The following PTPRE variants were observed in gnomAD, a reference collection of about 807,000 sequenced individuals.
PTPRE encodes receptor-type tyrosine-protein phosphatase epsilon.
In PTPRE, 51 loss-of-function variants were observed where a neutral mutation model predicts 102.0. That is an observed-to-expected ratio of 0.50 (90% CI 0.40 to 0.63). The LOEUF (loss-of-function observed/expected upper bound fraction) is 0.63. Ranked by LOEUF, PTPRE falls within the 30% of genes least tolerant of loss-of-function variation. PTPRE has a pLI of 0.00. For missense variants in PTPRE, 752 were observed against 915.1 expected (o/e 0.82, Z 2.30); for synonymous variants, 345 against 348.2 (o/e 0.99, Z 0.10).
At chr10:128,075,836 A>G (rs1435836454) in intron 17 of PTPRE, among the ~76,000 whole-genome samples, 1 of 152,180 alleles carries the variant, frequency 6.6e-6, no homozygotes, top group Non-Finnish European at 1.5e-5. Flanking sequence ...TGTGGATGAC[A>G]TATTTCCTCT....
intron 1 of PTPRE, among the ~76,000 whole-genome samples, chr10:127,976,641 A>T (rs887926181): frequency 4.6e-5 from 7 of 152,334 alleles, no homozygotes; most frequent in African/African-American, 1.7e-4. Context: ...ACATTGTTTT[A>T]AAGATTTCAT....
rs943540460 is a variant in PTPRE, at chr10:128,008,199, A to G, written c.-8+25903A>G. 3.3e-5 allele frequency among the ~76,000 whole-genome samples: 5 copies of G among 152,110 alleles called. No individual in the cohort carries two copies. The highest frequency in any genetic ancestry group is 2.6e-4 in the Admixed American group (4 of 15,274). Reference sequence around the variant, plus strand: ...CAGTGCATCCACCATCTCTGTCTGCAGCCCCGCTGGCTCGTCCGCCCTCGC... The same window carrying G: ...CAGTGCATCCACCATCTCTGTCTGCGGCCCCGCTGGCTCGTCCGCCCTCGC... On this transcript the variant is annotated intron_variant, in intron 2 of 20. Coordinates refer to ENST00000254667, the MANE Select transcript of PTPRE (RefSeq NM_006504.6). This position sits in a 1 kb window ranked among gnomAD's most constrained non-coding sequence, Gnocchi z 4.0.
chr10:128,052,923 G>A (rs1248794448), intron 6 of PTPRE, among the ~76,000 whole-genome samples: 6 of 152,168 alleles, frequency 3.9e-5, no homozygotes, highest in African/African-American at 1.4e-4. Context: ...CGAGCGGAGA[G>A]AGAAAGGAAC....
chr10:127,950,813 A>G (rs911143030), intron 1 of PTPRE, among the ~76,000 whole-genome samples: 3 of 152,074 alleles, frequency 2.0e-5, no homozygotes, highest in Admixed American at 6.5e-5. Context: ...AAAGTGAAAT[A>G]GGGTCGGGCA....
intron 2 of PTPRE, among the ~76,000 whole-genome samples, chr10:128,022,609 G>T (rs1373583229): frequency 1.3e-5 from 2 of 152,198 alleles, no homozygotes; most frequent in Non-Finnish European, 2.9e-5. Flanking sequence ...ACCTCCAGAG[G>T]CCCCTCCAGA....
rs369914760 is a variant in PTPRE, at chr10:128,032,161, G to A, written c.-7-8714G>A. Among the ~76,000 whole-genome samples the A allele has an allele frequency of 5.3e-5, 8 of 152,030 alleles. 1 individual carries two copies. In the South Asian group the frequency reaches 6.2e-4, roughly 12 times the overall value. On this transcript the variant is annotated intron_variant, in intron 2 of 20. Coordinates refer to ENST00000254667, the MANE Select transcript of PTPRE (RefSeq NM_006504.6). ...CTCCTGAGTAGCTGGGATTACAGGC[G>A]CCTGCCACCACGTCTGGCTAATTTT...
chr10:128,069,704 C>T lies in PTPRE; in HGVS notation c.1020C>T (p.Gly340=), dbSNP rs1469381895. The T allele has an allele frequency of 6.2e-7, 1 of 1,614,166 alleles. No homozygotes were observed. Among genetic ancestry groups the T allele is most frequent in the South Asian group, 1.1e-5 (1 of 91,086 alleles). ...TCTTTCCCCAAAGCGCGGGCGTGGGCCGGACGGGCACCTTCATTGTGATCG... is the reference window on the plus strand; with the variant it reads ...TCTTTCCCCAAAGCGCGGGCGTGGGTCGGACGGGCACCTTCATTGTGATCG... ...PIVVHCSAGV[G]RTGTFIVIDA... Residue 340 remains glycine (G), a synonymous_variant, in exon 13 of 21, where the codon GGC becomes GGT. Coordinates refer to ENST00000254667, the MANE Select transcript of PTPRE (RefSeq NM_006504.6).
intron 2 of PTPRE, among the ~76,000 whole-genome samples, chr10:128,023,510 G>T (rs1846076203): frequency 6.6e-6 from 1 of 152,164 alleles, no homozygotes; most frequent in South Asian, 2.1e-4. Context: ...ACAGCATATT[G>T]TTAGAATTGT....
intron 1 of PTPRE, among the ~76,000 whole-genome samples, chr10:127,957,800 T>C (rs1849511925): frequency 6.6e-6 from 1 of 152,236 alleles, no homozygotes; most frequent in Admixed American, 6.5e-5. Context: ...AGAACTGACA[T>C]CCTGACAGTT....
Position 128,057,441 on chromosome 10 carries a change from G to A in PTPRE, c.511+1228G>A, listed in dbSNP as rs527642510. On this transcript the variant is annotated intron_variant, in intron 7 of 20. Coordinates refer to ENST00000254667, the MANE Select transcript of PTPRE (RefSeq NM_006504.6). ...CAGGGCCTTGGTGGGATGGAGGAAGGCAGCCCATGTGGGCCCCGGAATGCT... is the reference window on the plus strand; with the variant it reads ...CAGGGCCTTGGTGGGATGGAGGAAGACAGCCCATGTGGGCCCCGGAATGCT... Among the ~76,000 whole-genome samples the A allele has an allele frequency of 1.1e-4, 16 of 152,262 alleles. No individual in the cohort carries two copies. The South Asian group carries it at 1.2e-3, about 12-fold the overall frequency.
intron 1 of PTPRE, among the ~76,000 whole-genome samples, chr10:127,962,560 G>T: frequency 6.6e-6 from 1 of 152,170 alleles, no homozygotes; most frequent in East Asian, 1.9e-4. Flanking sequence ...GCTCTGCAGG[G>T]CGGGGTCAGG....
chr10:128,069,994 G>C, intron 13 of PTPRE, 167 bp downstream of exon 13: 1 of 976,360 alleles, frequency 1.0e-6, no homozygotes, highest in Non-Finnish European at 1.5e-6. Flanking sequence ...GGGACCTCAG[G>C]GACTCCCTCG....
intron 1 of PTPRE, among the ~76,000 whole-genome samples, chr10:127,978,994 C>T (rs1006150897): frequency 5.3e-5 from 8 of 152,108 alleles, no homozygotes; most frequent in African/African-American, 1.7e-4. Flanking sequence ...GCACTCCAGC[C>T]TGGGTTACAG....
At chr10:127,947,141 C>T (rs929022015) in intron 1 of PTPRE, among the ~76,000 whole-genome samples, 2 of 150,076 alleles carry the variant, frequency 1.3e-5, no homozygotes, top group African/African-American at 5.0e-5. Context: ...GATAGCACTT[C>T]AGTTTGACTT....
intron 5 of PTPRE, among the ~76,000 whole-genome samples, chr10:128,048,328 A>G (rs998813509): frequency 1.3e-5 from 2 of 152,172 alleles, no homozygotes; most frequent in African/African-American, 2.4e-5. Context: ...TGTTGTCGCT[A>G]CTTACAAAGG....
rs143388495 is a variant in PTPRE at position 128,038,702 on chromosome 10, G to A, written c.-7-2173G>A. 0.013 allele frequency among the ~76,000 whole-genome samples: 1,912 copies of A among 152,154 alleles called. 173 individuals are homozygous for A. The East Asian group carries it at 0.23, about 19-fold the overall frequency. On this transcript the variant is annotated intron_variant, in intron 2 of 20. Coordinates refer to ENST00000254667, the MANE Select transcript of PTPRE (RefSeq NM_006504.6). ...GGGATAGCAATAGGAGATATACCTA[G>A]TGTAAATGACGAGTTAGTGGGTGCA...
intron 2 of PTPRE, among the ~76,000 whole-genome samples, chr10:128,030,755 C>T (rs900252580): frequency 1.3e-5 from 2 of 152,116 alleles, no homozygotes; most frequent in African/African-American, 2.4e-5. Flanking sequence ...GACTCCTGGT[C>T]GCCCGCGTCC....
chr10:128,076,867 C>A, intron 18 of PTPRE, 139 bp downstream of exon 18: 1 of 1,220,368 alleles, frequency 8.2e-7, no homozygotes, highest in Non-Finnish European at 1.1e-6. Flanking sequence ...TATGAATGGC[C>A]AATGGGTTTC....
intron 2 of PTPRE, among the ~76,000 whole-genome samples, chr10:128,031,159 A>G (rs1410188657): frequency 6.6e-6 from 1 of 152,256 alleles, no homozygotes; most frequent in Non-Finnish European, 1.5e-5. Flanking sequence ...TTGAGTCTAC[A>G]GTCTCCCTCA....
Sources: allele counts gnomAD v4.1 joint callset (sites outside exome capture counted in the v4.1 genomes callset), GRCh38; gene constraint gnomAD v4.1.1; non-coding constraint Gnocchi (gnomAD v3.1); transcripts MANE v1.5; gene names NCBI Gene and HGNC (gene_info 2026-07-23, HGNC 2026-07-21).